Variants in PCOLCE2 observed in about 807,000 individuals in gnomAD.
PCOLCE2 encodes the protein procollagen C-endopeptidase enhancer 2.
PCOLCE2 carries 42 observed loss-of-function variants against 47.0 expected under a neutral mutation model. The ratio of observed to expected loss-of-function variants is 0.89; its 90% CI spans 0.70 to 1.16. The LOEUF is 1.16. Ranked by LOEUF, PCOLCE2 falls within the 50% of genes most tolerant of loss-of-function variation. The pLI is 0.00. For missense variants in PCOLCE2, 500 were observed against 526.1 expected, an observed-to-expected ratio of 0.95 and a Z score of 0.49; for synonymous variants, 169 against 191.7, an observed-to-expected ratio of 0.88 and a Z score of 0.98.
intron 2 of PCOLCE2, among the ~76,000 whole-genome samples, chr3:142,860,425 TTTGTTG>T (rs140866650): frequency 4.0e-5 from 6 of 151,682 alleles, no homozygotes; most frequent in South Asian, 2.1e-4. Flanking sequence ...TAATTGCCTT[TTTGTTG>T]TTGTTGTTGT....
chr3:142,833,768 T>C (rs1937176234), intron 5 of PCOLCE2, among the ~76,000 whole-genome samples: 1 of 152,180 alleles, frequency 6.6e-6, no homozygotes, highest in Non-Finnish European at 1.5e-5. Context: ...ACCCCCTTTT[T>C]TTTCCTACTG....
chr3:142,886,673 T>C (rs912606232), intron 2 of PCOLCE2, among the ~76,000 whole-genome samples: 3 of 152,234 alleles, frequency 2.0e-5, no homozygotes, highest in Non-Finnish European at 2.9e-5. Flanking sequence ...TTACATAAAG[T>C]TGGGCTTCCC....
At chr3:142,863,083 T>C (rs982565557) in intron 2 of PCOLCE2, among the ~76,000 whole-genome samples, 3 of 118,174 alleles carry the variant, frequency 2.5e-5, no homozygotes, top group Non-Finnish European at 3.3e-5. Context: ...TCAATACTTA[T>C]CAGTCTGGCA....
Position 142,818,480 on chromosome 3 carries a change from T to G in PCOLCE2, c.1118-15A>C. On this transcript the variant is annotated splice_polypyrimidine_tract_variant and intron_variant, in intron 8 of 8. Transcript: ENST00000295992. ...GTAATTTAGACCTAAAGAAAGAGAA[T>G]ACAGAAATTAATCTTTTTCTCTATG... The G allele has an allele frequency of 6.3e-7, 1 of 1,597,182 alleles. No individual in the cohort carries two copies. The highest frequency in any genetic ancestry group is 8.6e-7 in the Non-Finnish European group (1 of 1,164,808).
intron 2 of PCOLCE2, among the ~76,000 whole-genome samples, chr3:142,875,647 T>C (rs1933482918): frequency 6.6e-6 from 1 of 152,180 alleles, no homozygotes; most frequent in African/African-American, 2.4e-5. Flanking sequence ...GGGTGCTCCT[T>C]CTTGATGTTC....
chr3:142,871,630 G>C (rs1281046262), intron 2 of PCOLCE2, among the ~76,000 whole-genome samples: 1 of 152,168 alleles, frequency 6.6e-6, no homozygotes, highest in Non-Finnish European at 1.5e-5. Flanking sequence ...ACAAAACTGA[G>C]GTTTCCCTGA....
intron 3 of PCOLCE2, among the ~76,000 whole-genome samples, chr3:142,848,009 A>G (rs1446315020): frequency 6.6e-6 from 1 of 152,092 alleles, no homozygotes; most frequent in Non-Finnish European, 1.5e-5. Context: ...CCACATTTTT[A>G]CTCTATGAAT....
At chr3:142,823,457 A>C in intron 7 of PCOLCE2, 75 bp downstream of exon 7, 3 of 844,708 alleles carry the variant, frequency 3.6e-6, no homozygotes, top group Non-Finnish European at 6.0e-6. Context: ...ATAAATTCAT[A>C]GGAATTCCTT....
chr3:142,874,126 A>G (rs936056725), intron 2 of PCOLCE2, among the ~76,000 whole-genome samples: 2 of 152,178 alleles, frequency 1.3e-5, no homozygotes, highest in African/African-American at 4.8e-5. Context: ...GCCAGGCTGG[A>G]GTGCAGTGGC....
chr3:142,817,899 T>C lies in PCOLCE2; in HGVS notation c.*436A>G, dbSNP rs954055682. The C allele has an allele frequency of 6.4e-6, 1 of 155,960 alleles. No individual in the cohort carries two copies. The highest frequency in any genetic ancestry group is 2.4e-5 in the African/African-American group (1 of 41,476). The allele number at this position is 155,960 out of a possible 1,614,324, so 9.7% of individuals were successfully genotyped here. On this transcript the variant is annotated 3_prime_UTR_variant, in exon 9 of 9. Transcript: ENST00000295992. The stretch of plus-strand genomic sequence containing the variant: ...TCCTTTAAAAATATTTTATTAAGCA[T>C]TGATTTAGAAAACGCAAGACAAGAT...
chr3:142,859,850 A>G (rs59442362), intron 2 of PCOLCE2, among the ~76,000 whole-genome samples: 4,472 of 152,238 alleles, frequency 0.029, 221 homozygotes, highest in African/African-American at 0.1. Flanking sequence ...GCCCAGCTAT[A>G]CTGATATTTT....
chr3:142,854,707 C>T (rs888494719), intron 2 of PCOLCE2, among the ~76,000 whole-genome samples: 2 of 152,146 alleles, frequency 1.3e-5, no homozygotes, highest in East Asian at 1.9e-4. Context: ...AGATAACCCC[C>T]GAAAACCACC....
chr3:142,840,148 A>T (rs1937250391), intron 4 of PCOLCE2, among the ~76,000 whole-genome samples: 1 of 152,200 alleles, frequency 6.6e-6, no homozygotes, highest in South Asian at 2.1e-4. Context: ...AATGTGTGAT[A>T]CCGTGCACGG....
chr3:142,871,138 TTTTTCTC>T (rs1247216556), intron 2 of PCOLCE2, among the ~76,000 whole-genome samples: 4 of 152,340 alleles, frequency 2.6e-5, no homozygotes, highest in Admixed American at 2.0e-4. Context: ...TGACTCCTCT[TTTTTCTC>T]TTACACCCCT....
intron 2 of PCOLCE2, chr3:142,863,841 T>C (rs1480664783): frequency 6.6e-6 from 1 of 152,070 alleles, no homozygotes; most frequent in African/African-American, 2.4e-5. Context: ...GTAAATTAAA[T>C]TAAAAACAAA....
chr3:142,835,482 T>C lies in PCOLCE2; in HGVS notation c.710+3288A>G, dbSNP rs564719492. Among the ~76,000 whole-genome samples the C allele has an allele frequency of 2.8e-4, 42 of 152,330 alleles. 1 individual carries two copies. Among genetic ancestry groups the C allele is most frequent in the African/African-American group, 7.2e-4 (30 of 41,576 alleles). ...ACTCTGTTTTTATTTTGGGGGGATGTGTCTTGTAAACAACATATAACTGGA... is the reference window on the plus strand; with the variant it reads ...ACTCTGTTTTTATTTTGGGGGGATGCGTCTTGTAAACAACATATAACTGGA... On this transcript the variant is annotated intron_variant, in intron 5 of 8. Coordinates refer to ENST00000295992, the MANE Select transcript of PCOLCE2 (RefSeq NM_013363.4).
chr3:142,855,484 G>A (rs918615936), intron 2 of PCOLCE2, among the ~76,000 whole-genome samples: 1 of 152,148 alleles, frequency 6.6e-6, no homozygotes, highest in Admixed American at 6.5e-5. Context: ...CTTGCCTAAG[G>A]CCACCCAGAA....
At chr3:142,866,218 G>A (rs1314067648) in intron 2 of PCOLCE2, among the ~76,000 whole-genome samples, 1 of 152,170 alleles carries the variant, frequency 6.6e-6, no homozygotes, top group Non-Finnish European at 1.5e-5. Flanking sequence ...CCTCCAATCT[G>A]TTGAGGGCCC....
chr3:142,884,369 C>A (rs1171320149), intron 2 of PCOLCE2, among the ~76,000 whole-genome samples: 1 of 152,144 alleles, frequency 6.6e-6, no homozygotes, highest in Non-Finnish European at 1.5e-5. Flanking sequence ...CACTACTTTC[C>A]AAAGGATTAT....
Sources: gnomAD v4.1 joint callset for allele counts (sites outside exome capture counted in the v4.1 genomes callset) on GRCh38, gnomAD v4.1.1 for gene constraint, MANE v1.5 for transcripts, NCBI Gene and HGNC (gene_info 2026-07-23, HGNC 2026-07-21) for gene names.